Variants in SPTLC1 observed in about 807,000 individuals in gnomAD.
SPTLC1 encodes the protein serine palmitoyltransferase long chain base subunit 1.
SPTLC1 carries 55 observed loss-of-function variants against 68.9 expected under a neutral mutation model. The ratio of observed to expected loss-of-function variants is 0.80; its 90% CI spans 0.64 to 1.00. The LOEUF is 1.00. Among genes scored for constraint, SPTLC1 ranks in the 50% least tolerant of loss-of-function variants. The probability of loss-of-function intolerance (pLI) is 0.00; values close to 1 mark genes in which losing one functional copy is unlikely to be tolerated. For missense variants in SPTLC1, 449 were observed against 573.1 expected, an observed-to-expected ratio of 0.78 and a Z score of 2.21; for synonymous variants, 197 against 201.6, an observed-to-expected ratio of 0.98 and a Z score of 0.19.
At chr9:92,047,858 T>G (rs1005154536) in intron 9 of SPTLC1, 150 bp from the exon 10 acceptor site, 2 of 645,534 alleles carry the variant, frequency 3.1e-6, no homozygotes, top group Non-Finnish European at 5.5e-6. Context: ...AAATAAACCA[T>G]ATAACATCTA....
At chr9:92,033,000 A>C (rs1238063840) in intron 14 of SPTLC1, among the ~76,000 whole-genome samples, 1 of 152,164 alleles carries the variant, frequency 6.6e-6, no homozygotes, top group Non-Finnish European at 1.5e-5. Flanking sequence ...TTTTGTAAAC[A>C]AACCTCTCCT....
intron 3 of SPTLC1, among the ~76,000 whole-genome samples, chr9:92,096,592 T>C (rs558126365): frequency 2.6e-5 from 4 of 152,240 alleles, no homozygotes; most frequent in Admixed American, 2.0e-4. Flanking sequence ...AGAAGGGAAA[T>C]AGTCTTTTCA....
At chr9:92,057,141 G>A (rs1476279766) in intron 7 of SPTLC1, among the ~76,000 whole-genome samples, 1 of 152,092 alleles carries the variant, frequency 6.6e-6, no homozygotes, top group Non-Finnish European at 1.5e-5. Flanking sequence ...TGTAGTTTTA[G>A]GACCTGATTT....
intron 12 of SPTLC1, among the ~76,000 whole-genome samples, chr9:92,041,356 T>A (rs770312332): frequency 2.0e-5 from 3 of 152,200 alleles, no homozygotes; most frequent in Non-Finnish European, 4.4e-5. Context: ...TGTAAGAAGC[T>A]GAAGAAGAGT....
chr9:92,055,629 T>G (rs368421907), intron 7 of SPTLC1, 135 bp from the exon 8 acceptor site: 3 of 870,500 alleles, frequency 3.4e-6, no homozygotes, highest in Admixed American at 4.1e-5. Context: ...AGCTCAGTGT[T>G]TGTGATGGGT....
chr9:92,078,996 T>C (rs749621871), intron 5 of SPTLC1: 1 of 946,724 alleles, frequency 1.1e-6, no homozygotes, highest in Non-Finnish European at 1.3e-6. Context: ...GGAAGATATT[T>C]CCCTTGCTCT....
rs115733192 is a variant in SPTLC1, at chr9:92,044,303, G to A, written c.1136+1696C>T. Among the ~76,000 whole-genome samples the A allele has an allele frequency of 7.3e-3, 1,112 of 152,350 alleles. 9 individuals are homozygous for A. Among genetic ancestry groups the A allele is most frequent in the African/African-American group, 0.025 (1,035 of 41,572 alleles). The stretch of plus-strand genomic sequence containing the variant: ...TGAAAGAAAGCCTTCAGAGGAGACC[G>A]AGATGGAGCCATTCAAAGATGTAAA... On this transcript the variant is annotated intron_variant, in intron 12 of 14. Coordinates refer to ENST00000262554, the MANE Select transcript of SPTLC1 (RefSeq NM_006415.4).
At chr9:92,045,541 A>AAC (rs1554706136) in intron 12 of SPTLC1, among the ~76,000 whole-genome samples, 9 of 148,450 alleles carry the variant, frequency 6.1e-5, no homozygotes, top group African/African-American at 2.0e-4. Context: ...AAAAAAAAAA[A>AAC]AAAAAAAAAA....
chr9:92,104,357 T>G, intron 3 of SPTLC1: 1 of 1,394,596 alleles, frequency 7.2e-7, no homozygotes, highest in South Asian at 1.6e-5. Flanking sequence ...TGGGGCCGTT[T>G]CCCACTCCTC....
chr9:92,095,715 C>T (rs1273185445), intron 3 of SPTLC1, among the ~76,000 whole-genome samples: 1 of 152,072 alleles, frequency 6.6e-6, no homozygotes, highest in African/African-American at 2.4e-5. Context: ...CCCACCCAGA[C>T]CAGAACAAGG....
At chr9:92,056,536 C>CA (rs1442505214) in intron 7 of SPTLC1, among the ~76,000 whole-genome samples, 2 of 152,042 alleles carry the variant, frequency 1.3e-5, no homozygotes, top group South Asian at 2.1e-4. Context: ...GAGATCTTTT[C>CA]AAAAAACACA....
intron 7 of SPTLC1, among the ~76,000 whole-genome samples, chr9:92,056,183 T>C (rs904269321): frequency 1.3e-5 from 2 of 152,202 alleles, no homozygotes; most frequent in Non-Finnish European, 2.9e-5. Context: ...CAAGTAAAAT[T>C]TGACTATGAG....
At chr9:92,079,123 T>C (rs779828830) in intron 5 of SPTLC1, 1 of 556,296 alleles carries the variant, frequency 1.8e-6, no homozygotes, top group Non-Finnish European at 2.3e-6. Flanking sequence ...TTGCCCAGGC[T>C]GGAGTGCAGT....
At chr9:92,061,042 T>C (rs1834083326) in intron 6 of SPTLC1, among the ~76,000 whole-genome samples, 1 of 152,100 alleles carries the variant, frequency 6.6e-6, no homozygotes, top group African/African-American at 2.4e-5. Context: ...TTTGTGTCAT[T>C]GGAATTCCAG....
At chr9:92,066,225 G>A (rs12156501) in intron 6 of SPTLC1, among the ~76,000 whole-genome samples, 5,329 of 152,292 alleles carry the variant, frequency 0.035, 219 homozygotes, top group Middle Eastern at 0.12. Context: ...AGCAGGGTGC[G>A]TGTGAGAGAG....
chr9:92,097,745 G>A (rs1012754661), intron 3 of SPTLC1, among the ~76,000 whole-genome samples: 1 of 152,148 alleles, frequency 6.6e-6, no homozygotes, highest in Non-Finnish European at 1.5e-5. Flanking sequence ...AGATGGTGGT[G>A]ATAGTTGTAT....
In SPTLC1 at chr9:92,112,634, C is replaced by A. The variant is rs566146050; in HGVS notation, c.58-72G>T. 6 of 913,264 alleles carry A rather than the reference C, an allele frequency of 6.6e-6. No homozygotes were observed. In the African/African-American group the frequency reaches 9.7e-5, roughly 15 times the overall value. The allele number at this position is 913,264 out of a possible 1,614,324, so 56.6% of individuals were successfully genotyped here. A position where few individuals can be genotyped will look rare whatever the true frequency, so the allele number is the denominator to read the frequency against. On this transcript the variant is annotated intron_variant, in intron 1 of 14. Coordinates refer to ENST00000262554, the MANE Select transcript of SPTLC1 (RefSeq NM_006415.4). ...ACACCTGCACATAAAATTTACTACA[C>A]CTGCATATACTGCCTCCTGTGACTT...
intron 3 of SPTLC1, among the ~76,000 whole-genome samples, chr9:92,106,351 G>C (rs1835985006): frequency 6.6e-6 from 1 of 151,908 alleles, no homozygotes; most frequent in Non-Finnish European, 1.5e-5. Flanking sequence ...GCTTGTGCCT[G>C]TAGTCTCAGC....
intron 12 of SPTLC1, among the ~76,000 whole-genome samples, chr9:92,045,515 C>G (rs1411098725): frequency 3.7e-5 from 1 of 27,396 alleles, no homozygotes; most frequent in East Asian, 1.1e-3. Context: ...AAAAGTGACT[C>G]TTGTGTAGTA....
Sources: allele counts gnomAD v4.1 joint callset (sites outside exome capture counted in the v4.1 genomes callset), GRCh38; gene constraint gnomAD v4.1.1; transcripts MANE v1.5; gene names NCBI Gene and HGNC (gene_info 2026-07-23, HGNC 2026-07-21).